Variants in PCDH11X observed in about 807,000 individuals in gnomAD.
PCDH11X encodes the protein protocadherin 11 X-linked.
A neutral mutation model predicts 53.3 loss-of-function variants in PCDH11X; 18 were observed. That is an observed-to-expected ratio of 0.34 (90% CI 0.23 to 0.50). PCDH11X has a LOEUF of 0.50. Among genes scored for constraint, PCDH11X ranks in the 20% least tolerant of loss-of-function variants. PCDH11X has a pLI of 0.98. For missense variants in PCDH11X, 570 were observed against 1,032.4 expected (o/e 0.55, Z 6.14); for synonymous variants, 279 against 393.3 (o/e 0.71, Z 3.44).
intron 8 of PCDH11X, among the ~76,000 whole-genome samples, chrX:92,334,869 C>A (rs1001859688): frequency 2.7e-5 from 3 of 109,944 alleles, no homozygotes; most frequent in African/African-American, 9.9e-5. Flanking sequence ...ATATAACATA[C>A]AAAATGATTT....
At chrX:91,784,374 G>A (rs1218482129) in intron 1 of PCDH11X, among the ~76,000 whole-genome samples, 2 of 111,902 alleles carry the variant, frequency 1.8e-5, no homozygotes, top group Admixed American at 1.9e-4. Context: ...AAGAAAAGAA[G>A]GCTACTTTGG....
chrX:92,518,496 T>C (rs1216667857), intron 10 of PCDH11X, among the ~76,000 whole-genome samples: 1 of 111,937 alleles, frequency 8.9e-6, no homozygotes, highest in African/African-American at 3.2e-5. Context: ...TTTATCTTCT[T>C]GAACATCACA....
At chrX:92,489,179 G>C (rs756003830) in intron 10 of PCDH11X, among the ~76,000 whole-genome samples, 2 of 109,941 alleles carry the variant, frequency 1.8e-5, no homozygotes, top group East Asian at 5.8e-4. Flanking sequence ...TTAAAGTATA[G>C]TTATGATGGT....
In PCDH11X at chrX:92,567,395, G is replaced by A. The variant is rs1272426236; in HGVS notation, c.3368-50869G>A. Among the ~76,000 whole-genome samples, 194 of 87,284 alleles carry A rather than the reference G, an allele frequency of 2.2e-3. 1 individual carries two copies. The highest frequency in any genetic ancestry group is 7.9e-3 in the African/African-American group (187 of 23,772). 75.8% of individuals were successfully genotyped at this position (87,284 alleles called of 115,157 possible). A position where few individuals can be genotyped will look rare whatever the true frequency, so the allele number is the denominator to read the frequency against. On this transcript the variant is annotated intron_variant, in intron 10 of 10. Transcript: ENST00000682573. The stretch of plus-strand genomic sequence containing the variant: ...GTATTTTTCTCTTTGTAGCAATTGT[G>A]AATAGGAAATCATTCATGATTTGGC...
chrX:92,211,372 C>T (rs1394444884), intron 7 of PCDH11X, among the ~76,000 whole-genome samples: 4 of 111,485 alleles, frequency 3.6e-5, no homozygotes, highest in Middle Eastern at 4.7e-3. Flanking sequence ...GAGGGAAACC[C>T]GCCACCATGA....
intron 6 of PCDH11X, among the ~76,000 whole-genome samples, chrX:92,016,936 CAT>C (rs1397832009): frequency 2.9e-5 from 3 of 103,554 alleles, no homozygotes; most frequent in Non-Finnish European, 5.9e-5. Context: ...AAATGAGAGA[CAT>C]GTGACTTTTC....
At chrX:92,324,501 T>C (rs1244395118) in intron 8 of PCDH11X, among the ~76,000 whole-genome samples, 1 of 111,435 alleles carries the variant, frequency 9.0e-6, no homozygotes, top group Middle Eastern at 4.7e-3. Flanking sequence ...GGTGACATCC[T>C]TCTAGTTTTC....
At chrX:92,087,725 C>T (rs1260197640) in intron 6 of PCDH11X, among the ~76,000 whole-genome samples, 1 of 110,021 alleles carries the variant, frequency 9.1e-6, no homozygotes, top group Admixed American at 9.8e-5. Context: ...AAATGCTTAA[C>T]TTTCCCTTTA....
chrX:91,870,009 T>G (rs1162413173), intron 5 of PCDH11X, among the ~76,000 whole-genome samples: 1 of 112,275 alleles, frequency 8.9e-6, no homozygotes, highest in Admixed American at 9.4e-5. Context: ...TTATGTCTTG[T>G]GTTTCATTTC....
At chrX:92,542,200 C>T (rs1358456395) in intron 10 of PCDH11X, among the ~76,000 whole-genome samples, 1 of 111,428 alleles carries the variant, frequency 9.0e-6, no homozygotes, top group Admixed American at 9.6e-5. Flanking sequence ...ACACCTATTC[C>T]ACTGAATTTT....
intron 6 of PCDH11X, among the ~76,000 whole-genome samples, chrX:92,162,138 A>G (rs1280010266): frequency 1.1e-5 from 1 of 94,086 alleles, no homozygotes; most frequent in African/African-American, 4.0e-5. Context: ...GTTCCTTCTC[A>G]TTTGGGTGGG....
chrX:91,994,886 C>T (rs1319865111), intron 6 of PCDH11X, among the ~76,000 whole-genome samples: 1 of 110,973 alleles, frequency 9.0e-6, no homozygotes, highest in Non-Finnish European at 1.9e-5. Flanking sequence ...ATTTGCATTT[C>T]CCTAATGATT....
At chrX:92,417,144 T>C (rs1335149125) in intron 9 of PCDH11X, among the ~76,000 whole-genome samples, 3 of 111,891 alleles carry the variant, frequency 2.7e-5, no homozygotes, top group South Asian at 3.7e-4. Context: ...ATGAGTGATT[T>C]GTTAAAAGAA....
chrX:92,521,086 A>G (rs1361424164), intron 10 of PCDH11X, among the ~76,000 whole-genome samples: 1 of 111,282 alleles, frequency 9.0e-6, no homozygotes, highest in Non-Finnish European at 1.9e-5. Flanking sequence ...TGTTAATGTT[A>G]GTATTTTGAC....
At chrX:92,326,975 T>C (rs929633362) in intron 8 of PCDH11X, among the ~76,000 whole-genome samples, 88 of 109,540 alleles carry the variant, frequency 8.0e-4, no homozygotes, top group Non-Finnish European at 9.3e-4. Flanking sequence ...CTCAGGTATC[T>C]GTGTTAATAA....
chrX:92,097,648 T>C (rs1031307948), intron 6 of PCDH11X, among the ~76,000 whole-genome samples: 7 of 110,722 alleles, frequency 6.3e-5, no homozygotes, highest in Admixed American at 2.9e-4. Context: ...AAATGAGTTA[T>C]GAATTATGCA....
intron 10 of PCDH11X, among the ~76,000 whole-genome samples, chrX:92,572,712 T>C (rs5984998): frequency 0.45 from 43,732 of 97,313 alleles, 8,786 homozygotes; most frequent in African/African-American, 0.53. Context: ...AGGGAAACCC[T>C]GTATGTACTG....
chrX:92,162,216 G>A, intron 6 of PCDH11X, among the ~76,000 whole-genome samples: 1 of 103,588 alleles, frequency 9.7e-6, no homozygotes, highest in Admixed American at 1.0e-4. Flanking sequence ...TTTTGAAATG[G>A]AGTCCTACTT....
intron 5 of PCDH11X, among the ~76,000 whole-genome samples, chrX:91,857,858 G>A (rs1271830493): frequency 4.5e-5 from 5 of 111,543 alleles, no homozygotes; most frequent in Non-Finnish European, 5.7e-5. Flanking sequence ...GGCACATGGT[G>A]TAAGTTGTCA....
Sources: allele counts gnomAD v4.1 joint callset (sites outside exome capture counted in the v4.1 genomes callset), GRCh38; gene constraint gnomAD v4.1.1; transcripts MANE v1.5; gene names NCBI Gene and HGNC (gene_info 2026-07-23, HGNC 2026-07-21).